Variants in RFC1 observed in about 807,000 individuals in gnomAD.
RFC1 encodes A1 140 kDa subunit.
A neutral mutation model predicts 137.4 loss-of-function variants in RFC1; 37 were observed. The observed-to-expected ratio is 0.27, with a 90% CI of 0.21 to 0.35. The LOEUF (loss-of-function observed/expected upper bound fraction) is 0.35, where lower values mean the gene tolerates loss of function less well. Among genes scored for constraint, RFC1 ranks in the 10% least tolerant of loss-of-function variants. The pLI, the probability that RFC1 is intolerant of heterozygous loss-of-function variation, is 1.00. For missense variants in RFC1, 1,205 were observed against 1,358.5 expected (o/e 0.89, Z 1.78); for synonymous variants, 429 against 455.7 (o/e 0.94, Z 0.75).
At chr4:39,290,245 A>G (rs1442792747) in intron 23 of RFC1, among the ~76,000 whole-genome samples, 1 of 152,138 alleles carries the variant, frequency 6.6e-6, no homozygotes, top group Non-Finnish European at 1.5e-5. Context: ...ATGACAAAAA[A>G]GACTGAAGGT....
Position 39,342,418 on chromosome 4 carries a change from T to C in RFC1, c.258A>G (p.Pro86=), listed in dbSNP as rs1740647730. ...TLQVKNAKKP[P]EKLPVSSKPG... ...GTTTAGAAGATACTGGCAGTTTTTC[T>C]GGTGGCTTTTTGGCATTTTTTACCT... is the stretch of plus-strand genomic sequence containing the variant. The change falls in exon 4 of 25, where the codon CCA becomes CCG. Residue 86 remains proline (P), a synonymous_variant. Transcript: ENST00000349703. 6.2e-7 allele frequency: 1 copy of C among 1,613,660 alleles called. No individual in the cohort carries two copies. The highest frequency in any genetic ancestry group is 8.5e-7 in the Non-Finnish European group (1 of 1,179,668).
At chr4:39,320,765 AAT>A (rs1739482289) in intron 8 of RFC1, 96 bp from the exon 9 acceptor site, 7 of 1,237,938 alleles carry the variant, frequency 5.7e-6, no homozygotes, top group Non-Finnish European at 7.6e-6. Flanking sequence ...CTTAGCACAG[AAT>A]ATACCCTGAA....
intron 22 of RFC1, 144 bp from the exon 23 acceptor site, chr4:39,291,996 G>T: frequency 1.5e-6 from 1 of 652,058 alleles, no homozygotes. Flanking sequence ...ACAGCCAGCT[G>T]GTGTAGTTTA....
At chr4:39,343,514 G>A (rs1175932523) in intron 3 of RFC1, among the ~76,000 whole-genome samples, 1 of 152,138 alleles carries the variant, frequency 6.6e-6, no homozygotes, top group East Asian at 1.9e-4. Context: ...AACAAAGTGT[G>A]AGTACCTGGC....
intron 4 of RFC1, among the ~76,000 whole-genome samples, chr4:39,334,228 ATAAATAAATATGGTAC>A (rs1740246193): frequency 6.6e-6 from 1 of 152,172 alleles, no homozygotes; most frequent in Admixed American, 6.5e-5. Context: ...TATTTATTTT[ATAAATAAATATGGTAC>A]CCTATAAGCC....
intron 3 of RFC1, among the ~76,000 whole-genome samples, 190 bp from the exon 4 acceptor site, chr4:39,342,657 T>C (rs1740664004): frequency 6.6e-6 from 1 of 152,186 alleles, no homozygotes; most frequent in African/African-American, 2.4e-5. Flanking sequence ...CTATAATAAA[T>C]GACCACAAAC....
In RFC1 at chr4:39,290,074, C is replaced by G. The variant is rs745895821; in HGVS notation, c.3169-35G>C. ...AGGAGTAGATGGAGTTTTTAAAAATCTAAGTCCCAAACAATTCTTTTAAAC... is the reference window on the plus strand; with the variant it reads ...AGGAGTAGATGGAGTTTTTAAAAATGTAAGTCCCAAACAATTCTTTTAAAC... On this transcript the variant is annotated intron_variant, in intron 23 of 24. Transcript: ENST00000349703. 11 of 1,487,306 alleles carry G rather than the reference C, an allele frequency of 7.4e-6. No homozygotes were observed. The African/African-American group carries it at 1.5e-4, about 21-fold the overall frequency. The allele number at this position is 1,487,306 out of a possible 1,614,324, so 92.1% of individuals were successfully genotyped here.
intron 9 of RFC1, among the ~76,000 whole-genome samples, chr4:39,319,201 T>A (rs1739394582): frequency 6.6e-6 from 1 of 152,170 alleles, no homozygotes; most frequent in South Asian, 2.1e-4. Flanking sequence ...TTAGGTACTA[T>A]TATTATTATT....
intron 2 of RFC1, among the ~76,000 whole-genome samples, chr4:39,349,468 ATC>A (rs1192605223): frequency 6.6e-6 from 1 of 152,082 alleles, no homozygotes; most frequent in Non-Finnish European, 1.5e-5. Flanking sequence ...CCAGTGCTCA[ATC>A]TCTCTCTCCA....
At chr4:39,318,739 T>A (rs1055157476) in intron 9 of RFC1, among the ~76,000 whole-genome samples, 1 of 152,170 alleles carries the variant, frequency 6.6e-6, no homozygotes, top group Non-Finnish European at 1.5e-5. Flanking sequence ...GCAGAAAAAA[T>A]CTGAGATCAA....
intron 24 of RFC1, 80 bp from the exon 25 acceptor site, chr4:39,288,924 A>ATG: frequency 1.1e-6 from 1 of 883,176 alleles, no homozygotes; most frequent in African/African-American, 1.7e-5. Flanking sequence ...TAACAAATCT[A>ATG]ATCTTTACCT....
rs769440887 is a variant in RFC1 at position 39,291,786 on chromosome 4, C to T, written c.3021G>A (p.Gln1007=). The change falls in exon 23 of 25, where the codon CAG becomes CAA. Residue 1007 remains glutamine, a synonymous_variant. Coordinates refer to ENST00000349703, the MANE Select transcript of RFC1 (RefSeq NM_002913.5). ...CGTCTACTCCTTGTGAGGTCAAGGG[C>T]TGTACAAGTGCATCCCTTAGAAGCG... ...YLSLLRDALV[Q]PLTSQGVDGV... 6.2e-7 allele frequency: 1 copy of T among 1,613,552 alleles called. No individual in the cohort carries two copies. The highest frequency in any genetic ancestry group is 1.1e-5 in the South Asian group (1 of 91,082).
rs1180890144 is a variant in RFC1, at chr4:39,366,332, C to T, written c.-91G>A. Reference sequence around the variant, plus strand: ...GCTCAGGATCCATTCGCGCCAACAACTTCTCCCGCGAAGTGCAAGAAGGCG... The same window carrying T: ...GCTCAGGATCCATTCGCGCCAACAATTTCTCCCGCGAAGTGCAAGAAGGCG... On this transcript the variant is annotated 5_prime_UTR_variant, in exon 1 of 25. Transcript: ENST00000349703. 3.7e-6 allele frequency: 5 copies of T among 1,367,652 alleles called. No homozygotes were observed. The highest frequency in any genetic ancestry group is 3.0e-5 in the African/African-American group (2 of 66,402). 84.7% of individuals were successfully genotyped at this position (1,367,652 alleles called of 1,614,324 possible). A position where few individuals can be genotyped will look rare whatever the true frequency, so the allele number is the denominator to read the frequency against.
At chr4:39,352,413 A>G (rs1281498897) in intron 1 of RFC1, among the ~76,000 whole-genome samples, 1 of 152,254 alleles carries the variant, frequency 6.6e-6, no homozygotes, top group Non-Finnish European at 1.5e-5. Context: ...GTAATTTACA[A>G]TTAAAATCAC....
At chr4:39,351,553 G>T in intron 1 of RFC1, 77 bp from the exon 2 acceptor site, 1 of 1,285,988 alleles carries the variant, frequency 7.8e-7, no homozygotes, top group Non-Finnish European at 1.0e-6. Flanking sequence ...AGATGGGACA[G>T]CTTTATGTAC....
chr4:39,353,010 A>C (rs1437008215), intron 1 of RFC1, among the ~76,000 whole-genome samples: 1 of 143,198 alleles, frequency 7.0e-6, no homozygotes, highest in Admixed American at 7.0e-5. Flanking sequence ...ACAATGTCAA[A>C]AATCCCAAAT....
rs539940412 is a variant in RFC1 at position 39,356,747 on chromosome 4, C to T, written c.4-5271G>A. ...CACTTTTAGTAGGACATTTCCTCTTCTTTAAAATTTATTTTAAGTCAAACT... is the reference window on the plus strand; with the variant it reads ...CACTTTTAGTAGGACATTTCCTCTTTTTTAAAATTTATTTTAAGTCAAACT... On this transcript the variant is annotated intron_variant, in intron 1 of 24. Coordinates refer to ENST00000349703, the MANE Select transcript of RFC1 (RefSeq NM_002913.5). 1.3e-3 allele frequency among the ~76,000 whole-genome samples: 195 copies of T among 152,272 alleles called. 1 individual carries two copies. Among genetic ancestry groups the T allele is most frequent in the African/African-American group, 4.6e-3 (190 of 41,568 alleles).
At chr4:39,353,581 G>C (rs1414093744) in intron 1 of RFC1, among the ~76,000 whole-genome samples, 1 of 152,028 alleles carries the variant, frequency 6.6e-6, no homozygotes, top group Non-Finnish European at 1.5e-5. Context: ...CTAAAGAGGA[G>C]AAGAACAATA....
chr4:39,328,668 G>C (rs1323843630), intron 4 of RFC1, among the ~76,000 whole-genome samples: 1 of 152,180 alleles, frequency 6.6e-6, no homozygotes. Flanking sequence ...GAAAGAGGTA[G>C]GGGCCAAATC....
Sources: allele counts gnomAD v4.1 joint callset (sites outside exome capture counted in the v4.1 genomes callset), GRCh38; gene constraint gnomAD v4.1.1; transcripts MANE v1.5; gene names NCBI Gene and HGNC (gene_info 2026-07-23, HGNC 2026-07-21).